The following CLUH variants were observed in gnomAD, a reference collection of about 807,000 sequenced individuals.
CLUH encodes clustered mitochondria protein homolog.
Under a neutral mutation model 139.3 loss-of-function variants are expected in CLUH, and 77 were observed. The observed-to-expected ratio is 0.55, with a 90% CI of 0.46 to 0.67. The LOEUF is 0.67. CLUH is among the 30% of genes least tolerant of loss of function. The probability of loss-of-function intolerance (pLI) is 0.00; values close to 1 mark genes in which losing one functional copy is unlikely to be tolerated. For synonymous variants in CLUH, 999 were observed against 801.6 expected (o/e 1.25, Z -4.16); for missense variants, 1,876 against 1,875.8 (o/e 1.00, Z 0.00).
At chr17:2,710,944 C>CGAGCAGGCCAACACACCT in intron 1 of CLUH, 1 of 152,452 alleles carries the variant, frequency 6.6e-6, no homozygotes, top group Non-Finnish European at 1.5e-5. Context: ...CCAGGTCGGC[C>CGAGCAGGCCAACACACCT]GAGCAGGCCA....
intron 1 of CLUH, among the ~76,000 whole-genome samples, chr17:2,708,952 C>T (rs894014078): frequency 6.6e-6 from 1 of 152,042 alleles, no homozygotes; most frequent in African/African-American, 2.4e-5. Flanking sequence ...AGTCCAGGAG[C>T]ACCTCTGAGG....
At chr17:2,709,331 C>T (rs771195920) in intron 1 of CLUH, among the ~76,000 whole-genome samples, 5 of 152,150 alleles carry the variant, frequency 3.3e-5, no homozygotes, top group African/African-American at 1.2e-4. Context: ...GGCGGGCAGG[C>T]GGCCTATGGA....
chr17:2,690,797 T>C lies in CLUH; in HGVS notation c.3864-20A>G. 1 of 1,468,916 alleles carries C rather than the reference T, an allele frequency of 6.8e-7. No individual in the cohort carries two copies. Among genetic ancestry groups the C allele is most frequent in the Non-Finnish European group, 8.9e-7 (1 of 1,117,730 alleles). The allele number at this position is 1,468,916 out of a possible 1,614,324, so 91.0% of individuals were successfully genotyped here. ...TTTTGGCTGAGGATAAGGGTGGGGA[T>C]GGAGGTGGCTCTCAGAGGAGTCCTG... is the stretch of plus-strand genomic sequence containing the variant. On this transcript the variant is annotated intron_variant, in intron 25 of 25. Coordinates refer to ENST00000651024, the MANE Select transcript of CLUH (RefSeq NM_001366661.1).
chr17:2,690,937 C>A (rs1403769976), intron 25 of CLUH, among the ~76,000 whole-genome samples, 160 bp from the exon 26 acceptor site: 3 of 152,114 alleles, frequency 2.0e-5, no homozygotes, highest in Non-Finnish European at 2.9e-5. Context: ...GGTCCCTGAA[C>A]ACGGAGAAGG....
Position 2,695,027 on chromosome 17 carries a change from G to A in CLUH, c.2682C>T (p.Pro894=), listed in dbSNP as rs780232465. The A allele has an allele frequency of 1.4e-5, 22 of 1,613,424 alleles. No individual in the cohort carries two copies. Among genetic ancestry groups the A allele is most frequent in the Admixed American group, 5.0e-5 (3 of 59,938 alleles). The change falls in exon 16 of 26, where the codon CCC becomes CCT. Residue 894 remains proline (P), a synonymous_variant. Coordinates refer to ENST00000651024, the MANE Select transcript of CLUH (RefSeq NM_001366661.1). ...GCTCGTCGGCGGGCAGGTGGGCCACGGGGTTTGGGTAGGAGCTCAGGAAGC... is the reference window on the plus strand; with the variant it reads ...GCTCGTCGGCGGGCAGGTGGGCCACAGGGTTTGGGTAGGAGCTCAGGAAGC... The part of the protein sequence containing the change: ...LNCFLSSYPN[P]VAHLPADELV...
chr17:2,695,639 T>C, intron 13 of CLUH, 113 bp from the exon 14 acceptor site: 1 of 1,339,314 alleles, frequency 7.5e-7, no homozygotes, highest in Non-Finnish European at 9.9e-7. Context: ...CCCCGAAGGC[T>C]CCAGCTCCCA....
chr17:2,695,917 C>T (rs966850917), intron 13 of CLUH: 15 of 587,938 alleles, frequency 2.6e-5, no homozygotes, highest in Non-Finnish European at 4.5e-5. Flanking sequence ...CCCAGCCATG[C>T]CACCATCCAG....
At position 2,702,155 on chromosome 17, in the gene CLUH, T is replaced by C. The variant is rs1462473085; in HGVS notation, c.476-98A>G. The C allele has an allele frequency of 6.3e-6, 9 of 1,428,060 alleles. No individual in the cohort carries two copies. In the Admixed American group the frequency reaches 2.3e-4, roughly 36 times the overall value. 88.5% of individuals were successfully genotyped at this position (1,428,060 alleles called of 1,614,324 possible). On this transcript the variant is annotated intron_variant, in intron 3 of 25. Transcript: ENST00000651024. The stretch of plus-strand genomic sequence containing the variant: ...GGTTTTGGAGGTGCTAACACAGTGG[T>C]TTTAATTTTCAACTTTAGGTTTCCG...
intron 12 of CLUH, 59 bp downstream of exon 12, chr17:2,696,375 C>T (rs1005330214): frequency 8.6e-6 from 13 of 1,512,532 alleles, no homozygotes; most frequent in Non-Finnish European, 9.9e-6. Context: ...AGGGCCCAGG[C>T]CCCCCAGCGA....
In CLUH at chr17:2,704,742, G is replaced by A. The variant is rs1403447300; in HGVS notation, c.101-178C>T. Among the ~76,000 whole-genome samples the A allele has an allele frequency of 1.3e-5, 2 of 151,948 alleles. No individual in the cohort carries two copies. The highest frequency in any genetic ancestry group is 1.3e-4 in the Admixed American group (2 of 15,250). On this transcript the variant is annotated intron_variant, in intron 1 of 25. Coordinates refer to ENST00000651024, the MANE Select transcript of CLUH (RefSeq NM_001366661.1). The surrounding 1 kb of genome is among the most constrained non-coding windows in gnomAD (Gnocchi z 5.7). ...CTGCAGGCCACTTCCACACCCAGCCGCCCCTCCCAGCCACTGTTCCCTGGC... is the reference window on the plus strand; with the variant it reads ...CTGCAGGCCACTTCCACACCCAGCCACCCCTCCCAGCCACTGTTCCCTGGC...
chr17:2,701,906 T>G lies in CLUH; in HGVS notation c.619+8A>C. On this transcript the variant is annotated splice_region_variant and intron_variant, in intron 4 of 25. Transcript: ENST00000651024. ...TGGCCCAATCCCCGGCCCCAGTGCC[T>G]CCCGCACCTCCCAGGTCGCCGTCGG... The G allele has an allele frequency of 6.2e-7, 1 of 1,613,366 alleles. No homozygotes were observed. Among genetic ancestry groups the G allele is most frequent in the South Asian group, 1.1e-5 (1 of 91,074 alleles).
At position 2,701,756 on chromosome 17, in the gene CLUH, G is replaced by C. The variant is rs747412339; in HGVS notation, c.620-19C>G. Reference sequence around the variant, plus strand: ...CCGCTGTCTGAGGGACCCGAGGCTGGTGGTCAGCACAGGGCCACCCAGGGC... The same window carrying C: ...CCGCTGTCTGAGGGACCCGAGGCTGCTGGTCAGCACAGGGCCACCCAGGGC... On this transcript the variant is annotated intron_variant, in intron 4 of 25. Coordinates refer to ENST00000651024, the MANE Select transcript of CLUH (RefSeq NM_001366661.1). 2.6e-6 allele frequency: 4 copies of C among 1,556,660 alleles called. No individual in the cohort carries two copies. The highest frequency in any genetic ancestry group is 1.2e-5 in the South Asian group (1 of 81,530).
chr17:2,700,639 C>G, intron 8 of CLUH, 39 bp downstream of exon 8: 1 of 1,516,518 alleles, frequency 6.6e-7, no homozygotes, highest in Non-Finnish European at 8.8e-7. Flanking sequence ...CCCAGGAGGG[C>G]AGGGGTGCCC....
Position 2,691,604 on chromosome 17 carries a change from C to T in CLUH, c.3863+5G>A. 1 of 1,611,778 alleles carries T rather than the reference C, an allele frequency of 6.2e-7. No homozygotes were observed. Among genetic ancestry groups the T allele is most frequent in the African/African-American group, 1.3e-5 (1 of 75,000 alleles). Reference sequence around the variant, plus strand: ...GGAGACACTCGAGTGGGGCGGAGGCCTCACCTGAGAGGAATGAAGAGGATG... The same window carrying T: ...GGAGACACTCGAGTGGGGCGGAGGCTTCACCTGAGAGGAATGAAGAGGATG... On this transcript the variant is annotated splice_donor_5th_base_variant and intron_variant, in intron 25 of 25. Transcript: ENST00000651024.
chr17:2,691,951 GCCCCGCCACGCCCCC>G lies in CLUH; in HGVS notation c.3654+38_3654+52del. On this transcript the variant is annotated intron_variant, in intron 23 of 25. Coordinates refer to ENST00000651024, the MANE Select transcript of CLUH (RefSeq NM_001366661.1). ...CCCGTGCCCCCGCGGCCCCGCCCCC[GCCCCGCCACGCCCCC>G]GCCCCGCCCCCGCCCCCGCCACGCC... 8.2e-6 allele frequency: 9 copies of G among 1,098,520 alleles called. 1 individual carries two copies. In the South Asian group the frequency reaches 1.4e-4, roughly 17 times the overall value. The allele number at this position is 1,098,520 out of a possible 1,614,324, so 68.0% of individuals were successfully genotyped here. A position where few individuals can be genotyped will look rare whatever the true frequency, so the allele number is the denominator to read the frequency against.
chr17:2,709,862 A>T (rs991849426), intron 1 of CLUH, among the ~76,000 whole-genome samples: 2 of 152,104 alleles, frequency 1.3e-5, no homozygotes, highest in African/African-American at 4.8e-5. Flanking sequence ...CTACCTTCCC[A>T]GGGACGTAGG....
In CLUH at chr17:2,707,223, C is replaced by G; in HGVS notation, c.101-2659G>C. The G allele has an allele frequency of 1.0e-6, 1 of 985,432 alleles. No homozygotes were observed. Among genetic ancestry groups the G allele is most frequent in the Non-Finnish European group, 1.2e-6 (1 of 829,912 alleles). The allele number at this position is 985,432 out of a possible 1,614,324, so 61.0% of individuals were successfully genotyped here. On this transcript the variant is annotated intron_variant, in intron 1 of 25. Transcript: ENST00000651024. This position sits in a 1 kb window ranked among gnomAD's most constrained non-coding sequence, Gnocchi z 7.4. Reference sequence around the variant, plus strand: ...CCTCGGCTCTGGAGTCTCAGGATGGCCGTGGCAGCAAGGCAGCCAGCTCTC... The same window carrying G: ...CCTCGGCTCTGGAGTCTCAGGATGGGCGTGGCAGCAAGGCAGCCAGCTCTC...
At chr17:2,691,521 G>T in intron 25 of CLUH, 88 bp downstream of exon 25, 2 of 1,343,064 alleles carry the variant, frequency 1.5e-6, no homozygotes, top group Non-Finnish European at 2.1e-6. Context: ...GGATGGCGCC[G>T]CCGCACTCCA....
At chr17:2,697,791 A>T (rs2070016535) in intron 10 of CLUH, 105 bp downstream of exon 10, 1 of 1,082,714 alleles carries the variant, frequency 9.2e-7, no homozygotes, top group Non-Finnish European at 1.3e-6. Context: ...GCCCTTCTTC[A>T]CTCTCCAGCG....
Sources: allele counts gnomAD v4.1 joint callset (sites outside exome capture counted in the v4.1 genomes callset), GRCh38; gene constraint gnomAD v4.1.1; non-coding constraint Gnocchi (gnomAD v3.1); transcripts MANE v1.5; gene names NCBI Gene and HGNC (gene_info 2026-07-23, HGNC 2026-07-21).